RNF216: variants seen among roughly 807,000 people sequenced by gnomAD.
The protein encoded by RNF216 is E3 ubiquitin-protein ligase RNF216.
RNF216 carries 72 observed loss-of-function variants against 110.8 expected under a neutral mutation model. The observed-to-expected ratio is 0.65, with a 90% CI of 0.54 to 0.79. The LOEUF is 0.79. RNF216 is among the 30% of genes least tolerant of loss of function. The probability of loss-of-function intolerance (pLI) is 0.00; values close to 1 mark genes in which losing one functional copy is unlikely to be tolerated. For synonymous variants in RNF216, 495 were observed against 407.5 expected, an observed-to-expected ratio of 1.21 and a Z score of -2.59; for missense variants, 1,342 against 1,141.2, an observed-to-expected ratio of 1.18 and a Z score of -2.54.
chr7:5,687,367 C>G (rs1054502127), intron 13 of RNF216, among the ~76,000 whole-genome samples: 10 of 131,066 alleles, frequency 7.6e-5, no homozygotes, highest in African/African-American at 2.8e-4. Context: ...CTGCTCCATC[C>G]TGGGCAACAA....
At chr7:5,747,745 T>TAA (rs1562457376) in intron 3 of RNF216, among the ~76,000 whole-genome samples, 7 of 11,026 alleles carry the variant, frequency 6.3e-4, no homozygotes, top group African/African-American at 2.6e-3. Context: ...AGACTCCATC[T>TAA]CAAAAAAAAA....
At chr7:5,719,159 C>T (rs1038278383) in intron 9 of RNF216, among the ~76,000 whole-genome samples, 2 of 152,102 alleles carry the variant, frequency 1.3e-5, no homozygotes, top group African/African-American at 2.4e-5. Flanking sequence ...GTTGGGAGGA[C>T]GGCTTGAGGC....
chr7:5,695,458 G>A (rs573244028), intron 13 of RNF216, among the ~76,000 whole-genome samples: 9 of 152,196 alleles, frequency 5.9e-5, no homozygotes, highest in Non-Finnish European at 1.2e-4. Flanking sequence ...CTCGGAGCCC[G>A]GACTAAGCAA....
intron 14 of RNF216, among the ~76,000 whole-genome samples, chr7:5,642,176 G>T (rs1044727976): frequency 6.6e-6 from 1 of 151,388 alleles, no homozygotes; most frequent in Non-Finnish European, 1.5e-5. Context: ...CAGCAACTGT[G>T]AAGACACTAC....
intron 8 of RNF216, among the ~76,000 whole-genome samples, chr7:5,724,421 G>C (rs1395094596): frequency 1.3e-5 from 2 of 152,198 alleles, no homozygotes; most frequent in African/African-American, 4.8e-5. Flanking sequence ...ACTGAAGTCA[G>C]AAACAAATAC....
At position 5,660,294 on chromosome 7, in the gene RNF216, T is replaced by C. The variant is rs1221107831; in HGVS notation, c.2062-7784A>G. The stretch of plus-strand genomic sequence containing the variant: ...TTTTTTTTTTTTTTTTTTTTTTTTT[T>C]TTTTTTTTTTTTTTTTGAGATGGAG... On this transcript the variant is annotated intron_variant, in intron 13 of 16. Coordinates refer to ENST00000389902, the MANE Select transcript of RNF216 (RefSeq NM_207111.4). Among the ~76,000 whole-genome samples, 5 of 83,348 alleles carry C rather than the reference T, an allele frequency of 6.0e-5. 1 individual carries two copies. The highest frequency in any genetic ancestry group is 2.7e-4 in the African/African-American group (5 of 18,702). 54.7% of individuals were successfully genotyped at this position (83,348 alleles called of 152,430 possible). A position where few individuals can be genotyped will look rare whatever the true frequency, so the allele number is the denominator to read the frequency against.
In RNF216 at chr7:5,741,124, T is replaced by C; in HGVS notation, c.893A>G (p.Glu298Gly). 1 of 1,614,044 alleles carries C rather than the reference T, an allele frequency of 6.2e-7. No homozygotes were observed. The highest frequency in any genetic ancestry group is 8.5e-7 in the Non-Finnish European group (1 of 1,180,016). Reference protein sequence around the residue: ...SSPQPAHPLGEFEDQQLASDD... With the variant: ...SSPQPAHPLGGFEDQQLASDD... ...ACTTGCTAACTGCTGGTCTTCAAAC[T>C]CTCCTAGAGGATGGGCAGGCTGAGG... Residue 298 changes from glutamate to glycine, a missense_variant, in exon 4 of 17, where the codon GAG becomes GGG. By Grantham distance (98) the Glu-to-Gly change is moderately conservative. Transcript: ENST00000389902.
chr7:5,624,234 A>C lies in RNF216; in HGVS notation c.2383-109T>G, dbSNP rs1332700946. ...GCTTATGGCCATGGAACAAGCCCGA[A>C]GCCTGCTGCTGGCCAGTGGGGCCTG... On this transcript the variant is annotated intron_variant, in intron 15 of 16. Transcript: ENST00000389902. The surrounding 1 kb of genome is among the most constrained non-coding windows in gnomAD (Gnocchi z 4.4). 18 of 870,654 alleles carry C rather than the reference A, an allele frequency of 2.1e-5. No individual in the cohort carries two copies. The highest frequency in any genetic ancestry group is 3.3e-5 in the Non-Finnish European group (18 of 552,322). The allele number at this position is 870,654 out of a possible 1,614,324, so 53.9% of individuals were successfully genotyped here. A position where few individuals can be genotyped will look rare whatever the true frequency, so the allele number is the denominator to read the frequency against.
chr7:5,734,481 T>C (rs1794275148), intron 5 of RNF216, among the ~76,000 whole-genome samples: 1 of 152,184 alleles, frequency 6.6e-6, no homozygotes, highest in South Asian at 2.1e-4. Context: ...GCATCTTTAC[T>C]TTGTTCATTT....
At chr7:5,676,514 C>A (rs957410561) in intron 13 of RNF216, among the ~76,000 whole-genome samples, 5 of 152,188 alleles carry the variant, frequency 3.3e-5, no homozygotes, top group Admixed American at 2.0e-4. Flanking sequence ...TCAGGCCAAG[C>A]CAGTGGCCTC....
chr7:5,720,466 G>C (rs1417195836), intron 9 of RNF216, among the ~76,000 whole-genome samples: 2 of 152,296 alleles, frequency 1.3e-5, no homozygotes, highest in East Asian at 3.8e-4. Context: ...TTATGGGTAA[G>C]GCTTCCTGTC....
intron 8 of RNF216, among the ~76,000 whole-genome samples, chr7:5,724,409 C>A (rs555033105): frequency 2.6e-5 from 4 of 152,316 alleles, no homozygotes; most frequent in Admixed American, 2.6e-4. Flanking sequence ...ACTTTCTCCA[C>A]CACTGAAGTC....
At chr7:5,724,807 A>G (rs1467184070) in intron 8 of RNF216, among the ~76,000 whole-genome samples, 7 of 152,200 alleles carry the variant, frequency 4.6e-5, no homozygotes, top group East Asian at 3.8e-4. Context: ...CTGAGTTGTT[A>G]TAACACTCAA....
intron 13 of RNF216, among the ~76,000 whole-genome samples, chr7:5,652,840 T>C (rs890740316): frequency 2.0e-5 from 3 of 151,992 alleles, no homozygotes; most frequent in Non-Finnish European, 4.4e-5. Flanking sequence ...GTAAGAATCA[T>C]TAGAAGGACG....
intron 13 of RNF216, among the ~76,000 whole-genome samples, chr7:5,701,059 A>G (rs1351661761): frequency 6.6e-6 from 1 of 152,210 alleles, no homozygotes; most frequent in Non-Finnish European, 1.5e-5. Context: ...GAAGGAGCAC[A>G]GCAGTGCTGT....
chr7:5,687,046 C>A (rs1791029685), intron 13 of RNF216, among the ~76,000 whole-genome samples: 1 of 152,170 alleles, frequency 6.6e-6, no homozygotes, highest in African/African-American at 2.4e-5. Context: ...TAATTGGATT[C>A]ATCACCACAG....
chr7:5,712,108 G>A (rs937990461), intron 12 of RNF216, among the ~76,000 whole-genome samples: 5 of 152,228 alleles, frequency 3.3e-5, no homozygotes, highest in South Asian at 4.1e-4. Context: ...TGCATATACC[G>A]ATTTCCCTCC....
intron 3 of RNF216, among the ~76,000 whole-genome samples, chr7:5,743,023 G>T (rs565365410): frequency 6.6e-6 from 1 of 152,302 alleles, no homozygotes; most frequent in South Asian, 2.1e-4. Flanking sequence ...AGCATTCAGG[G>T]AGGCCAAGGC....
Position 5,741,791 on chromosome 7 carries a change from G to A in RNF216, c.226C>T (p.Pro76Ser), listed in dbSNP as rs374954951. 2.5e-6 allele frequency: 4 copies of A among 1,609,904 alleles called. No individual in the cohort carries two copies. Among genetic ancestry groups the A allele is most frequent in the Non-Finnish European group, 3.4e-6 (4 of 1,178,790 alleles). Reference protein sequence around the residue: ...TETNKPQRSRPNLIKPAAQWQ... With the variant: ...TETNKPQRSRSNLIKPAAQWQ... ...TGGGCAGCTGGTTTGATGAGATTGG[G>A]TCGTGATCTCTGAGGTTTATTTGTC... The change falls in exon 4 of 17, where the codon CCC becomes TCC. Residue 76 changes from proline to serine, a missense_variant. Pro to Ser is a moderately conservative substitution (Grantham distance 74). Coordinates refer to ENST00000389902, the MANE Select transcript of RNF216 (RefSeq NM_207111.4).
Sources: allele counts gnomAD v4.1 joint callset (sites outside exome capture counted in the v4.1 genomes callset), GRCh38; gene constraint gnomAD v4.1.1; non-coding constraint Gnocchi (gnomAD v3.1); transcripts MANE v1.5; gene names NCBI Gene and HGNC (gene_info 2026-07-23, HGNC 2026-07-21).